The following SGCZ variants were observed in gnomAD, a reference collection of about 807,000 sequenced individuals.
The protein encoded by SGCZ is sarcoglycan zeta.
A neutral mutation model predicts 41.3 loss-of-function variants in SGCZ; 40 were observed. The observed-to-expected ratio is 0.97, with a 90% CI of 0.75 to 1.26. SGCZ has a LOEUF of 1.26. SGCZ is among the 50% of genes most tolerant of loss of function. The pLI, the probability that SGCZ is intolerant of heterozygous loss-of-function variation, is 0.00. For missense variants in SGCZ, 552 were observed against 369.8 expected (o/e 1.49, Z -4.04); for synonymous variants, 206 against 137.5 (o/e 1.50, Z -3.49).
intron 3 of SGCZ, among the ~76,000 whole-genome samples, chr8:14,267,373 T>A: frequency 6.6e-6 from 1 of 152,234 alleles, no homozygotes; most frequent in Non-Finnish European, 1.5e-5. Context: ...ATTTAAATTT[T>A]ATTTATCTAA....
chr8:14,155,185 T>G (rs778105188), intron 5 of SGCZ, among the ~76,000 whole-genome samples: 7 of 152,178 alleles, frequency 4.6e-5, no homozygotes, highest in Non-Finnish European at 1.0e-4. Flanking sequence ...GTTTCTCAAT[T>G]TTTCCTTGAT....
chr8:14,286,934 T>C (rs937329640), intron 3 of SGCZ, among the ~76,000 whole-genome samples: 2 of 152,026 alleles, frequency 1.3e-5, no homozygotes, highest in Non-Finnish European at 2.9e-5. Context: ...TGTATGTGAT[T>C]ATACTATAAA....
At chr8:14,982,136 C>A (rs374033446) in intron 1 of SGCZ, among the ~76,000 whole-genome samples, 6 of 137,592 alleles carry the variant, frequency 4.4e-5, no homozygotes, top group African/African-American at 1.4e-4. Flanking sequence ...CCAGCCTGGA[C>A]AACAGAGCGA....
intron 1 of SGCZ, among the ~76,000 whole-genome samples, chr8:15,051,208 G>A (rs767969003): frequency 3.3e-5 from 5 of 152,184 alleles, no homozygotes; most frequent in Admixed American, 2.0e-4. Context: ...AGTCGAAAAC[G>A]TAAAGAAAGA....
At chr8:14,486,330 T>C (rs900460600) in intron 2 of SGCZ, among the ~76,000 whole-genome samples, 1 of 152,008 alleles carries the variant, frequency 6.6e-6, no homozygotes, top group African/African-American at 2.4e-5. Context: ...TAAATACGGG[T>C]GTCTGGGAGA....
At chr8:14,332,979 C>G (rs542069369) in intron 2 of SGCZ, among the ~76,000 whole-genome samples, 1 of 150,548 alleles carries the variant, frequency 6.6e-6, no homozygotes, top group African/African-American at 2.4e-5. Context: ...AAATGGAGAA[C>G]GGACCATAGC....
chr8:15,175,524 G>T (rs1026121346), intron 1 of SGCZ, among the ~76,000 whole-genome samples: 3 of 152,062 alleles, frequency 2.0e-5, no homozygotes, highest in Non-Finnish European at 4.4e-5. Flanking sequence ...TACACACACT[G>T]GGGCCTGTTG....
chr8:14,295,938 G>A (rs909732894), intron 3 of SGCZ, among the ~76,000 whole-genome samples: 12 of 152,070 alleles, frequency 7.9e-5, no homozygotes, highest in Admixed American at 7.2e-4. Context: ...ACATGCACAG[G>A]GCCAGTGCTC....
At chr8:14,795,943 G>A (rs1801113390) in intron 1 of SGCZ, among the ~76,000 whole-genome samples, 1 of 152,122 alleles carries the variant, frequency 6.6e-6, no homozygotes, top group Non-Finnish European at 1.5e-5. Context: ...TTCTGTTCCT[G>A]TGTTAGTTTT....
chr8:14,915,508 C>A (rs369675610), intron 1 of SGCZ, among the ~76,000 whole-genome samples: 2 of 152,072 alleles, frequency 1.3e-5, no homozygotes, highest in Non-Finnish European at 2.9e-5. Context: ...GGAACCAGGG[C>A]CTAGACATGT....
At chr8:14,916,780 T>C (rs1199282539) in intron 1 of SGCZ, among the ~76,000 whole-genome samples, 2 of 151,984 alleles carry the variant, frequency 1.3e-5, no homozygotes, top group Non-Finnish European at 2.9e-5. Context: ...CTAAGTGGAA[T>C]TAATCTACAC....
intron 1 of SGCZ, among the ~76,000 whole-genome samples, chr8:15,042,026 T>C (rs895833554): frequency 1.3e-5 from 2 of 152,196 alleles, no homozygotes; most frequent in African/African-American, 4.8e-5. Context: ...TTCTTTGGGT[T>C]TATTTTTAGC....
chr8:15,184,862 G>C (rs1296789881), intron 1 of SGCZ, among the ~76,000 whole-genome samples: 1 of 151,922 alleles, frequency 6.6e-6, no homozygotes, highest in African/African-American at 2.4e-5. Flanking sequence ...CATTCATCAC[G>C]CGTTCCCTTT....
chr8:14,154,443 G>C (rs1404293387), intron 5 of SGCZ, among the ~76,000 whole-genome samples: 1 of 152,106 alleles, frequency 6.6e-6, no homozygotes, highest in African/African-American at 2.4e-5. Flanking sequence ...CTCAGTTCAT[G>C]GTATTTTGTT....
At chr8:14,635,479 T>C (rs1806798494) in intron 1 of SGCZ, among the ~76,000 whole-genome samples, 2 of 152,092 alleles carry the variant, frequency 1.3e-5, no homozygotes, top group South Asian at 4.1e-4. Context: ...GGTCCTCCCT[T>C]ATCAGTGCTT....
chr8:14,247,910 C>A (rs1280465657), intron 3 of SGCZ, among the ~76,000 whole-genome samples: 7 of 152,064 alleles, frequency 4.6e-5, no homozygotes, highest in Non-Finnish European at 8.8e-5. Context: ...TTTTGGTGAG[C>A]AGAAAGAAAT....
chr8:14,452,545 G>A (rs774434302), intron 2 of SGCZ, among the ~76,000 whole-genome samples: 1 of 151,890 alleles, frequency 6.6e-6, no homozygotes, highest in East Asian at 1.9e-4. Flanking sequence ...TCCTGGGCAT[G>A]CATATACTTT....
chr8:14,557,466 T>A lies in SGCZ; in HGVS notation c.40-2540A>T, dbSNP rs1282382065. Among the ~76,000 whole-genome samples the A allele has an allele frequency of 5.9e-5, 9 of 152,256 alleles. No individual in the cohort carries two copies. The East Asian group carries it at 1.4e-3, about 23-fold the overall frequency. ...TATTTATCTTTGTTCTTATTGCATT[T>A]GCTTTTGGGCTCTTAGTCATGAAAT... On this transcript the variant is annotated intron_variant, in intron 1 of 7. Coordinates refer to ENST00000382080, the MANE Select transcript of SGCZ (RefSeq NM_139167.4).
At chr8:14,227,296 G>A (rs962480293) in intron 4 of SGCZ, among the ~76,000 whole-genome samples, 3 of 152,034 alleles carry the variant, frequency 2.0e-5, no homozygotes, top group Non-Finnish European at 2.9e-5. Context: ...GAGAAAAGGT[G>A]ATCTCCAAAA....
Sources: gnomAD v4.1 joint callset for allele counts (sites outside exome capture counted in the v4.1 genomes callset) on GRCh38, gnomAD v4.1.1 for gene constraint, MANE v1.5 for transcripts, NCBI Gene and HGNC (gene_info 2026-07-23, HGNC 2026-07-21) for gene names.